ARMCX4: variants seen among roughly 807,000 people sequenced by gnomAD.
ARMCX4 encodes armadillo repeat-containing X-linked protein 4.
ARMCX4 carries 3 observed loss-of-function variants against 34.7 expected under a neutral mutation model. That is an observed-to-expected ratio of 0.09 (90% CI 0.04 to 0.22). The LOEUF (loss-of-function observed/expected upper bound fraction) is 0.22. Among genes scored for constraint, ARMCX4 ranks in the 10% least tolerant of loss-of-function variants. The pLI is 1.00. For missense variants in ARMCX4, 1,448 were observed against 1,720.8 expected, an observed-to-expected ratio of 0.84 and a Z score of 2.81; for synonymous variants, 513 against 632.8, an observed-to-expected ratio of 0.81 and a Z score of 2.84.
rs1934032816 is a variant in ARMCX4 at position 101,492,709 on chromosome X, G to A, written c.4120G>A (p.Gly1374Ser). Reference sequence around the variant, plus strand: ...GCTGGGCCACGTAGATCAGTCCAGTGGTGGGGCCTGGGCTGGGACACTTGA... The same window carrying A: ...GCTGGGCCACGTAGATCAGTCCAGTAGTGGGGCCTGGGCTGGGACACTTGA... ...SRLGHVDQSS[G>S]GAWAGTLDQS... Residue 1374 changes from glycine (G) to serine (S), a missense_variant, in exon 6 of 6, where the codon GGT (glycine) becomes AGT (serine). Coordinates refer to ENST00000423738, the MANE Select transcript of ARMCX4 (RefSeq NM_001256155.3). 1 of 1,128,761 alleles carries A rather than the reference G, an allele frequency of 8.9e-7. No individual in the cohort carries two copies. Among genetic ancestry groups the A allele is most frequent in the Non-Finnish European group, 1.2e-6 (1 of 856,670 alleles). The allele number at this position is 1,128,761 out of a possible 1,213,427, so 93.0% of individuals were successfully genotyped here. A position where few individuals can be genotyped will look rare whatever the true frequency, so the allele number is the denominator to read the frequency against.
downstream of ARMCX4, among the ~76,000 whole-genome samples, chrX:101,446,583 A>G (rs1002423221): frequency 3.6e-5 from 4 of 111,464 alleles, no homozygotes; most frequent in Non-Finnish European, 7.5e-5. Context: ...ATTATCTCAC[A>G]TATTTCTGAG....
intron 4 of ARMCX4, among the ~76,000 whole-genome samples, chrX:101,477,131 C>A (rs1323284167): frequency 1.8e-5 from 2 of 109,960 alleles, no homozygotes; most frequent in African/African-American, 6.6e-5. Context: ...TTGAATAGAA[C>A]AATAAAGAGA....
chrX:101,420,430 G>C (rs1929166964), intron 2 of ARMCX4, among the ~76,000 whole-genome samples: 1 of 111,961 alleles, frequency 8.9e-6, no homozygotes, highest in Non-Finnish European at 1.9e-5. Flanking sequence ...GAGGAAATTT[G>C]AGGAAAAACA....
upstream of ARMCX4, among the ~76,000 whole-genome samples, chrX:101,485,049 G>A (rs782806709): frequency 3.6e-5 from 4 of 111,125 alleles, no homozygotes; most frequent in South Asian, 1.5e-3. Context: ...TGTAGGGGGC[G>A]GGTGGGGAGT....
At chrX:101,529,998 G>A (rs1935086308) in intron 11 of ARMCX4, among the ~76,000 whole-genome samples, 1 of 111,677 alleles carries the variant, frequency 9.0e-6, no homozygotes, top group Admixed American at 9.5e-5. Flanking sequence ...ATACCAAAAG[G>A]ATTATAAATC....
In ARMCX4 at chrX:101,492,222, C is replaced by G; in HGVS notation, c.3633C>G (p.Ala1211=). Residue 1211 remains alanine (A), a synonymous_variant, in exon 6 of 6, where the codon GCC becomes GCG. Coordinates refer to ENST00000423738, the MANE Select transcript of ARMCX4 (RefSeq NM_001256155.3). ...CTGGGGACAAGGCCAGTGGAGGAGC[C>G]TGGACTGGGGCTGAGAACCAGGCCA... The part of the protein sequence containing the change: ...TWAGDKASGG[A]WTGAENQASG... The G allele has an allele frequency of 8.8e-7, 1 of 1,137,274 alleles. No individual in the cohort carries two copies. Among genetic ancestry groups the G allele is most frequent in the Non-Finnish European group, 1.2e-6 (1 of 863,741 alleles). The allele number at this position is 1,137,274 out of a possible 1,213,427, so 93.7% of individuals were successfully genotyped here. A position where few individuals can be genotyped will look rare whatever the true frequency, so the allele number is the denominator to read the frequency against.
chrX:101,420,101 G>A (rs1929144846), intron 2 of ARMCX4, among the ~76,000 whole-genome samples: 1 of 112,213 alleles, frequency 8.9e-6, no homozygotes, highest in African/African-American at 3.2e-5. Context: ...AGTGGCTCAC[G>A]CCTGTAATCC....
chrX:101,435,399 C>T (rs1374442841), intron 2 of ARMCX4, among the ~76,000 whole-genome samples: 2 of 111,580 alleles, frequency 1.8e-5, no homozygotes, highest in Non-Finnish European at 3.8e-5. Context: ...TGATGATGAG[C>T]ATTTTTTCAT....
rs782516758 is a variant in ARMCX4, at chrX:101,480,435, A to G, written c.-472-5588A>G. 3.6e-5 allele frequency among the ~76,000 whole-genome samples: 4 copies of G among 111,052 alleles called. No individual in the cohort carries two copies. The Admixed American group carries it at 3.8e-4, about 11-fold the overall frequency. On this transcript the variant is annotated intron_variant and NMD_transcript_variant, in intron 4 of 15. Transcript: ENST00000433011. ...ATAAAAATTAGCTGGGCGTGGTGCC[A>G]TGCATTTGTAGTCCTAGCTACTCAG...
chrX:101,431,556 T>G (rs782629974), intron 2 of ARMCX4, among the ~76,000 whole-genome samples: 2 of 111,880 alleles, frequency 1.8e-5, no homozygotes, highest in Non-Finnish European at 3.8e-5. Context: ...CGTTTCTTTT[T>G]TTTTTGAGAC....
In ARMCX4 at chrX:101,492,688, G is replaced by A; in HGVS notation, c.4099G>A (p.Gly1367Ser). The A allele has an allele frequency of 8.9e-7, 1 of 1,124,454 alleles. No individual in the cohort carries two copies. Among genetic ancestry groups the A allele is most frequent in the Non-Finnish European group, 1.2e-6 (1 of 854,484 alleles). 92.7% of individuals were successfully genotyped at this position (1,124,454 alleles called of 1,213,427 possible). The change falls in exon 6 of 6, where the codon GGC becomes AGC. Residue 1367 changes from glycine to serine, a missense_variant. Gly to Ser is a moderately conservative substitution (Grantham distance 56). Coordinates refer to ENST00000423738, the MANE Select transcript of ARMCX4 (RefSeq NM_001256155.3). ...CCAAGCCAGTGGAGGGTCTAGGCTG[G>A]GCCACGTAGATCAGTCCAGTGGTGG... ...ADQASGGSRL[G>S]HVDQSSGGAW...
At chrX:101,488,017 T>G (rs1556007314) in intron 4 of ARMCX4, 27 bp from the exon 5 acceptor site, 1 of 883,246 alleles carries the variant, frequency 1.1e-6, no homozygotes, top group African/African-American at 2.1e-5. Flanking sequence ...GGTCCAGAGA[T>G]CTCATGAATT....
intron 4 of ARMCX4, among the ~76,000 whole-genome samples, chrX:101,466,611 A>C (rs1932796239): frequency 8.9e-6 from 1 of 112,422 alleles, no homozygotes; most frequent in African/African-American, 3.2e-5. Flanking sequence ...TGTTAAATGA[A>C]TCTCAGACAT....
chrX:101,507,107 ATTG>A (rs1934470389), intron 8 of ARMCX4, among the ~76,000 whole-genome samples: 1 of 111,146 alleles, frequency 9.0e-6, no homozygotes. Flanking sequence ...CTCCCAATAT[ATTG>A]TTGTTGTTGT....
At chrX:101,480,123 GACACACACACACACAC>G (rs57237822) in intron 4 of ARMCX4, among the ~76,000 whole-genome samples, 69 of 76,690 alleles carry the variant, frequency 9.0e-4, no homozygotes, top group African/African-American at 2.3e-3. Flanking sequence ...AGGATTTGGA[GACACACACACACACAC>G]ACACACACAC....
At chrX:101,498,016 C>G, downstream of ARMCX4, 1 of 237,885 alleles carries the variant, frequency 4.2e-6, no homozygotes, top group Non-Finnish European at 7.9e-6. Flanking sequence ...CCACCTCCCC[C>G]AAGGTTACAC....
chrX:101,446,153 C>G (rs1931608802), downstream of ARMCX4: 1 of 111,874 alleles, frequency 8.9e-6, no homozygotes, highest in African/African-American at 3.2e-5. Flanking sequence ...AACAATTTTA[C>G]TTCCTGCAGA....
intron 4 of ARMCX4, among the ~76,000 whole-genome samples, chrX:101,471,565 G>C (rs1556002997): frequency 8.9e-6 from 1 of 112,023 alleles, no homozygotes; most frequent in African/African-American, 3.2e-5. Flanking sequence ...ATGTCTGATA[G>C]CTTTGAAGAG....
intron 11 of ARMCX4, among the ~76,000 whole-genome samples, chrX:101,515,535 A>C (rs112514738): frequency 2.7e-4 from 20 of 73,709 alleles, no homozygotes; most frequent in East Asian, 2.5e-3. Flanking sequence ...TTCTCTCTTT[A>C]TCTCTTTCTC....
Sources: gnomAD v4.1 joint callset for allele counts (sites outside exome capture counted in the v4.1 genomes callset) on GRCh38, gnomAD v4.1.1 for gene constraint, MANE v1.5 for transcripts, NCBI Gene and HGNC (gene_info 2026-07-23, HGNC 2026-07-21) for gene names.